The following BPNT1 variants were observed in gnomAD, a reference collection of about 807,000 sequenced individuals.
BPNT1 encodes 3'(2'),5'-bisphosphate nucleotidase 1.
BPNT1 carries 28 observed loss-of-function variants against 36.9 expected under a neutral mutation model. That is an observed-to-expected ratio of 0.76 (90% CI 0.56 to 1.04). The LOEUF is 1.04. BPNT1 is among the 50% of genes least tolerant of loss of function. The pLI is 0.00. For missense variants in BPNT1, 313 were observed against 372.9 expected (o/e 0.84, Z 1.32); for synonymous variants, 119 against 130.9 (o/e 0.91, Z 0.62).
chr1:220,058,697 A>C lies in BPNT1; in HGVS notation c.*147T>G. ...CAGGCGCATGACAGGATGCCCAGTT[A>C]ATTTGTATTTTTGTAGAGATGGGGT... On this transcript the variant is annotated 3_prime_UTR_variant, in exon 9 of 9. Coordinates refer to ENST00000322067, the MANE Select transcript of BPNT1 (RefSeq NM_006085.6). The C allele has an allele frequency of 1.2e-6, 1 of 838,238 alleles. No homozygotes were observed. The highest frequency in any genetic ancestry group is 1.7e-5 in the African/African-American group (1 of 58,110). The allele number at this position is 838,238 out of a possible 1,614,324, so 51.9% of individuals were successfully genotyped here. A position where few individuals can be genotyped will look rare whatever the true frequency, so the allele number is the denominator to read the frequency against.
At chr1:220,078,461 TAATA>T (rs957930350) in intron 2 of BPNT1, among the ~76,000 whole-genome samples, 9 of 119,742 alleles carry the variant, frequency 7.5e-5, no homozygotes, top group Admixed American at 3.1e-4. Flanking sequence ...TATATATAAA[TAATA>T]AATAATTTAT....
At chr1:220,070,628 A>C (rs1031935605) in intron 4 of BPNT1, among the ~76,000 whole-genome samples, 3 of 151,064 alleles carry the variant, frequency 2.0e-5, no homozygotes, top group Admixed American at 1.3e-4. Flanking sequence ...TGCCCAGCTA[A>C]TTTTTTTGTA....
chr1:220,062,133 C>T (rs772685204), intron 7 of BPNT1, among the ~76,000 whole-genome samples: 5 of 150,986 alleles, frequency 3.3e-5, no homozygotes, highest in South Asian at 4.2e-4. Flanking sequence ...TCTCTTTAAA[C>T]GCTTATTTCT....
At chr1:220,084,573 T>A (rs1179902763) in intron 1 of BPNT1, among the ~76,000 whole-genome samples, 1 of 152,188 alleles carries the variant, frequency 6.6e-6, no homozygotes, top group Non-Finnish European at 1.5e-5. Flanking sequence ...AATAGGAAGA[T>A]CACCTTCCCT....
At chr1:220,073,876 T>A (rs1232446174) in intron 3 of BPNT1, 91 bp downstream of exon 3, 1 of 1,087,274 alleles carries the variant, frequency 9.2e-7, no homozygotes, top group Non-Finnish European at 1.4e-6. Context: ...ATGCTTAAAA[T>A]CATAATAGTG....
At position 220,058,773 on chromosome 1, in the gene BPNT1, C is replaced by A; in HGVS notation, c.*71G>T. The A allele has an allele frequency of 6.9e-7, 1 of 1,451,238 alleles. No individual in the cohort carries two copies. Among genetic ancestry groups the A allele is most frequent in the Non-Finnish European group, 9.6e-7 (1 of 1,045,258 alleles). The allele number at this position is 1,451,238 out of a possible 1,614,324, so 89.9% of individuals were successfully genotyped here. A position where few individuals can be genotyped will look rare whatever the true frequency, so the allele number is the denominator to read the frequency against. Reference sequence around the variant, plus strand: ...CAAACTCCTGAGCTCAAGTGATCCACCTGCCTCGGCCTCCCAAAGTGCTGG... The same window carrying A: ...CAAACTCCTGAGCTCAAGTGATCCAACTGCCTCGGCCTCCCAAAGTGCTGG... On this transcript the variant is annotated 3_prime_UTR_variant, in exon 9 of 9. Coordinates refer to ENST00000322067, the MANE Select transcript of BPNT1 (RefSeq NM_006085.6).
chr1:220,087,363 T>A (rs1197313776), intron 1 of BPNT1, among the ~76,000 whole-genome samples: 1 of 152,102 alleles, frequency 6.6e-6, no homozygotes, highest in Non-Finnish European at 1.5e-5. Context: ...AAGACCAGCC[T>A]GACCAACTTG....
intron 1 of BPNT1, among the ~76,000 whole-genome samples, chr1:220,082,668 C>A (rs1655293005): frequency 6.6e-6 from 1 of 151,860 alleles, no homozygotes; most frequent in Non-Finnish European, 1.5e-5. Context: ...CTCGCTGCAA[C>A]CTCTGTCTCC....
chr1:220,075,696 T>C (rs1664481891), intron 2 of BPNT1, among the ~76,000 whole-genome samples: 1 of 152,242 alleles, frequency 6.6e-6, no homozygotes, highest in Admixed American at 6.5e-5. Context: ...AAATATTTCC[T>C]ATTCTATCAA....
At chr1:220,063,270 C>T (rs1047321052) in intron 6 of BPNT1, among the ~76,000 whole-genome samples, 34 of 152,056 alleles carry the variant, frequency 2.2e-4, no homozygotes, top group African/African-American at 8.2e-4. Context: ...ATGGCGTGAA[C>T]CTGGGAGGTG....
intron 2 of BPNT1, among the ~76,000 whole-genome samples, chr1:220,075,055 T>G (rs1408451092): frequency 6.6e-6 from 1 of 152,200 alleles, no homozygotes; most frequent in African/African-American, 2.4e-5. Context: ...GTTTGTTTGT[T>G]TGTTTTGAGA....
intron 1 of BPNT1, among the ~76,000 whole-genome samples, chr1:220,082,349 T>C (rs1461455767): frequency 6.6e-6 from 1 of 151,168 alleles, no homozygotes; most frequent in African/African-American, 2.4e-5. Context: ...CTCGGCTAAT[T>C]TTTGTATTTT....
Position 220,058,077 on chromosome 1 carries a change from G to T in BPNT1, c.*767C>A. 1.4e-6 allele frequency: 1 copy of T among 692,492 alleles called. No individual in the cohort carries two copies. The highest frequency in any genetic ancestry group is 1.9e-6 in the Non-Finnish European group (1 of 524,802). The allele number at this position is 692,492 out of a possible 1,614,324, so 42.9% of individuals were successfully genotyped here. On this transcript the variant is annotated 3_prime_UTR_variant, in exon 9 of 9. Coordinates refer to ENST00000322067, the MANE Select transcript of BPNT1 (RefSeq NM_006085.6). The stretch of plus-strand genomic sequence containing the variant: ...TGCAGTCCCAGCTACTCGGGAGGCT[G>T]AGGCAGGAGAATGGCATGAACCCGG...
intron 5 of BPNT1, among the ~76,000 whole-genome samples, chr1:220,068,740 G>A (rs1225626905): frequency 6.6e-6 from 1 of 152,124 alleles, no homozygotes; most frequent in Non-Finnish European, 1.5e-5. Flanking sequence ...AACCTGGGAG[G>A]CAGAGGTTGC....
intron 1 of BPNT1, among the ~76,000 whole-genome samples, chr1:220,084,188 C>T (rs929484344): frequency 3.3e-5 from 5 of 151,804 alleles, no homozygotes; most frequent in African/African-American, 4.8e-5. Context: ...AAAAATTAGT[C>T]GGGCGTGGTG....
intron 1 of BPNT1, among the ~76,000 whole-genome samples, chr1:220,083,652 C>T (rs943888736): frequency 1.3e-5 from 2 of 152,130 alleles, no homozygotes; most frequent in Non-Finnish European, 2.9e-5. Context: ...TTGAACAACA[C>T]GGCCTCGAAC....
At chr1:220,063,593 G>A (rs1663261382) in intron 6 of BPNT1, among the ~76,000 whole-genome samples, 1 of 152,034 alleles carries the variant, frequency 6.6e-6, no homozygotes, top group Non-Finnish European at 1.5e-5. Context: ...ATTTTCAGAA[G>A]GTACTAAGAT....
rs774176504 is a variant in BPNT1 at position 220,065,297 on chromosome 1, C to T, written c.474+2005G>A. On this transcript the variant is annotated intron_variant, in intron 6 of 8. Coordinates refer to ENST00000322067, the MANE Select transcript of BPNT1 (RefSeq NM_006085.6). ...AAATGCAATCCCATGATGCAGCTGG[C>T]TTGCCTTCTTCTGTGCTCCTGACTC... Among the ~76,000 whole-genome samples, 109 of 152,272 alleles carry T rather than the reference C, an allele frequency of 7.2e-4. 1 individual carries two copies. The highest frequency in any genetic ancestry group is 3.5e-3 in the Admixed American group (53 of 15,286).
intron 2 of BPNT1, among the ~76,000 whole-genome samples, chr1:220,076,249 C>G (rs1043225365): frequency 2.0e-5 from 3 of 152,074 alleles, no homozygotes; most frequent in Non-Finnish European, 2.9e-5. Context: ...TGCCTGTAAT[C>G]CCAGCATTTT....
Sources: allele counts gnomAD v4.1 joint callset (sites outside exome capture counted in the v4.1 genomes callset), GRCh38; gene constraint gnomAD v4.1.1; transcripts MANE v1.5; gene names NCBI Gene and HGNC (gene_info 2026-07-23, HGNC 2026-07-21).